The following SLC47A2 variants were observed in gnomAD, a reference collection of about 807,000 sequenced individuals.
SLC47A2 encodes the protein multidrug and toxin extrusion protein 2.
A neutral mutation model predicts 67.7 loss-of-function variants in SLC47A2; 52 were observed. The ratio of observed to expected loss-of-function variants is 0.77; its 90% CI spans 0.61 to 0.97. The LOEUF (loss-of-function observed/expected upper bound fraction) is 0.97. SLC47A2 is among the 50% of genes least tolerant of loss of function. The pLI is 0.00. For missense variants in SLC47A2, 676 were observed against 712.3 expected (o/e 0.95, Z 0.58); for synonymous variants, 278 against 292.9 (o/e 0.95, Z 0.52).
chr17:19,705,758 C>T (rs898297430), intron 9 of SLC47A2, among the ~76,000 whole-genome samples: 1 of 152,156 alleles, frequency 6.6e-6, no homozygotes, highest in African/African-American at 2.4e-5. Flanking sequence ...CCACCACACC[C>T]AGCTAATTTT....
chr17:19,711,742 C>CA (rs149487479), intron 5 of SLC47A2, among the ~76,000 whole-genome samples: 1,787 of 151,876 alleles, frequency 0.012, 31 homozygotes, highest in African/African-American at 0.039. Context: ...CAATATGTCT[C>CA]AAGAGCCATT....
At chr17:19,695,007 C>A (rs534877292) in intron 13 of SLC47A2, among the ~76,000 whole-genome samples, 1 of 151,018 alleles carries the variant, frequency 6.6e-6, no homozygotes, top group African/African-American at 2.4e-5. Flanking sequence ...ATCTTTGTGA[C>A]CTTGGGTTAG....
In SLC47A2 at chr17:19,679,992, A is replaced by G. The variant is rs772470758; in HGVS notation, c.1440T>C (p.Thr480=). The change falls in exon 16 of 17, where the codon ACT becomes ACC. Residue 480 remains threonine, a synonymous_variant. Transcript: ENST00000433844. ...CTTTCTCAGGCCCAGGTCTGGTTGC[A>G]GTGCTCTCTGCTCTCTGCTGCTGCT... ...GRQQQQRAES[T]ATRPGPEKAV... 3 of 1,614,070 alleles carry G rather than the reference A, an allele frequency of 1.9e-6. No homozygotes were observed. The highest frequency in any genetic ancestry group is 2.5e-6 in the Non-Finnish European group (3 of 1,179,982).
At chr17:19,716,642 C>A, upstream of SLC47A2, 1 of 1,462,002 alleles carries the variant, frequency 6.8e-7, no homozygotes, top group Non-Finnish European at 9.0e-7. Flanking sequence ...CTGGGCAGCC[C>A]GTGTCGGTAC....
At chr17:19,682,523 C>G (rs190289068) in intron 13 of SLC47A2, among the ~76,000 whole-genome samples, 1 of 152,138 alleles carries the variant, frequency 6.6e-6, no homozygotes, top group Non-Finnish European at 1.5e-5. Flanking sequence ...TGGCTGGTGG[C>G]CCCACATCAC....
chr17:19,715,088 C>T, intron 2 of SLC47A2, 28 bp downstream of exon 2: 1 of 1,606,266 alleles, frequency 6.2e-7, no homozygotes, highest in Non-Finnish European at 8.5e-7. Flanking sequence ...AGAGAACGTC[C>T]CTGCTCTGGG....
At position 19,678,461 on chromosome 17, in the gene SLC47A2, G is replaced by A. The variant is rs1212645525; in HGVS notation, c.*225C>T. Reference sequence around the variant, plus strand: ...GTTGGCTGATGTCTTCTGTAGAGCAGTCCAAGTCACAGAAGAAAACTCCAG... The same window carrying A: ...GTTGGCTGATGTCTTCTGTAGAGCAATCCAAGTCACAGAAGAAAACTCCAG... On this transcript the variant is annotated 3_prime_UTR_variant, in exon 17 of 17. Coordinates refer to ENST00000433844, the MANE Select transcript of SLC47A2 (RefSeq NM_001099646.3). 1.0e-5 allele frequency: 6 copies of A among 580,224 alleles called. No individual in the cohort carries two copies. The highest frequency in any genetic ancestry group is 1.8e-5 in the Non-Finnish European group (6 of 325,018). 35.9% of individuals were successfully genotyped at this position (580,224 alleles called of 1,614,324 possible).
At chr17:19,689,236 C>G (rs2085488971) in intron 13 of SLC47A2, among the ~76,000 whole-genome samples, 1 of 152,032 alleles carries the variant, frequency 6.6e-6, no homozygotes, top group East Asian at 1.9e-4. Flanking sequence ...TTTGGAAAAA[C>G]CTAAAGACCC....
At chr17:19,681,313 C>T in intron 15 of SLC47A2, 54 bp downstream of exon 15, 3 of 1,460,818 alleles carry the variant, frequency 2.1e-6, no homozygotes, top group Non-Finnish European at 2.8e-6. Flanking sequence ...GTCACTCCAC[C>T]TGCTGGGGTC....
At chr17:19,705,345 G>T in intron 10 of SLC47A2, 91 bp downstream of exon 10, 2 of 1,379,120 alleles carry the variant, frequency 1.5e-6, no homozygotes, top group Non-Finnish European at 2.0e-6. Context: ...GGGAGACAGA[G>T]ATAGCTTCAG....
chr17:19,695,307 A>G (rs1369528632), intron 13 of SLC47A2, among the ~76,000 whole-genome samples: 2 of 152,034 alleles, frequency 1.3e-5, no homozygotes, highest in African/African-American at 2.4e-5. Flanking sequence ...ATGTCTAAAC[A>G]TAGTGAAATG....
intron 1 of SLC47A2, 47 bp downstream of exon 1, chr17:19,716,386 C>T: frequency 5.1e-6 from 8 of 1,571,310 alleles, no homozygotes; most frequent in Non-Finnish European, 6.9e-6. Context: ...CCCTCAGCCT[C>T]TCAGCTTCCT....
At chr17:19,695,505 A>G (rs2085640610) in intron 13 of SLC47A2, among the ~76,000 whole-genome samples, 1 of 139,184 alleles carries the variant, frequency 7.2e-6, no homozygotes, top group South Asian at 2.2e-4. Context: ...AGAACAAAAA[A>G]AAAAAACAGC....
At chr17:19,679,881 G>A in intron 16 of SLC47A2, 71 bp downstream of exon 16, 1 of 1,458,468 alleles carries the variant, frequency 6.9e-7, no homozygotes, top group Non-Finnish European at 9.4e-7. Flanking sequence ...GAGGCACAGA[G>A]GGCAGACAAG....
At chr17:19,714,662 C>T (rs1274149677) in intron 3 of SLC47A2, 59 bp downstream of exon 3, 8 of 1,598,264 alleles carry the variant, frequency 5.0e-6, no homozygotes, top group South Asian at 2.2e-5. Flanking sequence ...CTCCATGGCA[C>T]CTGTGGAATT....
chr17:19,716,533 A>T lies in SLC47A2; in HGVS notation c.23T>A (p.Val8Glu). The T allele has an allele frequency of 6.2e-7, 1 of 1,610,354 alleles. No homozygotes were observed. ...GCAGCAGCCCCCATGGTCCAGGGCC[A>T]CTGTGTCCTGGAGGCTGTCCATTCC... MDSLQDT[V>E]ALDHGGCCPA... The change falls in exon 1 of 17, where the codon GTG becomes GAG. Residue 8 changes from valine (V) to glutamate (E), a missense_variant. Transcript: ENST00000433844.
rs2085234375 is a variant in SLC47A2 at position 19,678,367 on chromosome 17, T to C, written c.*319A>G. 1 of 310,648 alleles carries C rather than the reference T, an allele frequency of 3.2e-6. No individual in the cohort carries two copies. The highest frequency in any genetic ancestry group is 6.1e-5 in the East Asian group (1 of 16,514). 19.2% of individuals were successfully genotyped at this position (310,648 alleles called of 1,614,324 possible). A position where few individuals can be genotyped will look rare whatever the true frequency, so the allele number is the denominator to read the frequency against. ...TAACAGTGGTTTTTGTGATTTTATC[T>C]GCAGTGTCCCATTTGAAGCCATTTA... On this transcript the variant is annotated 3_prime_UTR_variant, in exon 17 of 17. Coordinates refer to ENST00000433844, the MANE Select transcript of SLC47A2 (RefSeq NM_001099646.3).
chr17:19,694,435 C>T (rs564678720), intron 13 of SLC47A2, among the ~76,000 whole-genome samples: 1 of 152,140 alleles, frequency 6.6e-6, no homozygotes, highest in Non-Finnish European at 1.5e-5. Flanking sequence ...ATCAATGGAA[C>T]GGAATTGTGA....
In SLC47A2 at chr17:19,707,671, G is replaced by T. The variant is rs1597629931; in HGVS notation, c.727+75C>A. 3.7e-6 allele frequency: 5 copies of T among 1,341,888 alleles called. No homozygotes were observed. In the South Asian group the frequency reaches 3.8e-5, roughly 10 times the overall value. 83.1% of individuals were successfully genotyped at this position (1,341,888 alleles called of 1,614,324 possible). The stretch of plus-strand genomic sequence containing the variant: ...GGCTCTACTGCACCCTCTGCCTGCT[G>T]ACCACCCTGCCCCAAGGCTAGGGCA... On this transcript the variant is annotated intron_variant, in intron 8 of 16. Transcript: ENST00000433844.
Sources: allele counts gnomAD v4.1 joint callset (sites outside exome capture counted in the v4.1 genomes callset), GRCh38; gene constraint gnomAD v4.1.1; transcripts MANE v1.5; gene names NCBI Gene and HGNC (gene_info 2026-07-23, HGNC 2026-07-21).